Variants in SUMF1 observed in about 807,000 individuals in gnomAD.
SUMF1 encodes formylglycine-generating enzyme.
Under a neutral mutation model 47.6 loss-of-function variants are expected in SUMF1, and 48 were observed. The observed-to-expected ratio is 1.01, with a 90% confidence interval of 0.80 to 1.28. The LOEUF is 1.28. SUMF1 is among the 50% of genes most tolerant of loss of function. The pLI is 0.00. For synonymous variants in SUMF1, 230 were observed against 192.1 expected (o/e 1.20, Z -1.63); for missense variants, 571 against 485.4 (o/e 1.18, Z -1.66).
At chr3:4,301,472 C>A (rs144138656) in intron 8 of SUMF1, among the ~76,000 whole-genome samples, 1 of 152,250 alleles carries the variant, frequency 6.6e-6, no homozygotes, top group East Asian at 1.9e-4. Flanking sequence ...ATTGTAGCAG[C>A]GGCAGTAAGG....
intron 8 of SUMF1, chr3:4,303,513 C>G (rs1158157954): frequency 4.2e-6 from 6 of 1,435,666 alleles, no homozygotes; most frequent in Non-Finnish European, 4.5e-6. Flanking sequence ...GGGGCCGCGC[C>G]GGCGCCCTTC....
chr3:4,413,510 G>A (rs1040309247), intron 6 of SUMF1, among the ~76,000 whole-genome samples: 2 of 151,954 alleles, frequency 1.3e-5, no homozygotes, highest in Non-Finnish European at 2.9e-5. Context: ...TGCCACTAAG[G>A]AAAATAAAAA....
intron 8 of SUMF1, among the ~76,000 whole-genome samples, chr3:4,196,580 C>G (rs1695434511): frequency 1.3e-5 from 2 of 152,124 alleles, no homozygotes. Context: ...AGGCACTTCC[C>G]AGACATCTGC....
chr3:4,426,237 A>C (rs1379626809), intron 3 of SUMF1, among the ~76,000 whole-genome samples: 1 of 152,166 alleles, frequency 6.6e-6, no homozygotes, highest in Non-Finnish European at 1.5e-5. Context: ...GTCTGTCTGT[A>C]AGACAGATCA....
intron 8 of SUMF1, among the ~76,000 whole-genome samples, chr3:4,080,678 T>A (rs1300934338): frequency 6.6e-6 from 1 of 152,150 alleles, no homozygotes; most frequent in Non-Finnish European, 1.5e-5. Context: ...ATACGTTACC[T>A]TTATAGCAGG....
chr3:4,065,266 C>G (rs1205072128), intron 9 of SUMF1, among the ~76,000 whole-genome samples: 1 of 152,088 alleles, frequency 6.6e-6, no homozygotes, highest in Non-Finnish European at 1.5e-5. Context: ...AATTACCTCT[C>G]CATCTGCTCA....
intron 8 of SUMF1, among the ~76,000 whole-genome samples, chr3:4,164,739 T>C (rs961993652): frequency 2.0e-5 from 3 of 152,154 alleles, no homozygotes; most frequent in African/African-American, 7.2e-5. Flanking sequence ...GGTTTAATAA[T>C]GCCTCCAGAT....
At chr3:4,155,508 C>T (rs1389976493) in intron 8 of SUMF1, among the ~76,000 whole-genome samples, 1 of 151,402 alleles carries the variant, frequency 6.6e-6, no homozygotes, top group Admixed American at 6.6e-5. Flanking sequence ...TCCCTCCTGG[C>T]AGCAGTAAGT....
intron 3 of SUMF1, among the ~76,000 whole-genome samples, chr3:4,431,401 C>T (rs1404876951): frequency 1.3e-5 from 2 of 152,220 alleles, no homozygotes; most frequent in African/African-American, 2.4e-5. Flanking sequence ...TGCATACACA[C>T]AAACCAATCA....
At chr3:4,097,435 C>T (rs1225658949) in intron 8 of SUMF1, among the ~76,000 whole-genome samples, 5 of 151,960 alleles carry the variant, frequency 3.3e-5, no homozygotes, top group Non-Finnish European at 4.4e-5. Flanking sequence ...TGCCTGTAAT[C>T]CCAGCTACTT....
chr3:4,271,639 C>A (rs1386042744), intron 8 of SUMF1, among the ~76,000 whole-genome samples: 1 of 152,098 alleles, frequency 6.6e-6, no homozygotes, highest in African/African-American at 2.4e-5. Context: ...GTAGCTGGGA[C>A]TCCAGGAGCA....
At chr3:4,234,868 A>G (rs1249796501) in intron 8 of SUMF1, among the ~76,000 whole-genome samples, 1 of 152,186 alleles carries the variant, frequency 6.6e-6, no homozygotes, top group East Asian at 1.9e-4. Flanking sequence ...TCGTTTAGCA[A>G]GAAGTGGGCT....
rs561237086 is a variant in SUMF1 at position 4,151,820 on chromosome 3, A to G, written c.1015-83075T>C. On this transcript the variant is annotated intron_variant and NMD_transcript_variant, in intron 8 of 12. Coordinates refer to the SUMF1 transcript ENST00000448413. ...GCAGCCTGTGGGCCATGGGTTAGAC[A>G]AGCTTGATATAGAGAAAAGATGCAC... 2.6e-5 allele frequency among the ~76,000 whole-genome samples: 4 copies of G among 151,600 alleles called. No homozygotes were observed. In the South Asian group the frequency reaches 8.3e-4, roughly 31 times the overall value.
At chr3:4,305,292 C>T (rs924828408) in intron 8 of SUMF1, among the ~76,000 whole-genome samples, 1 of 151,936 alleles carries the variant, frequency 6.6e-6, no homozygotes, top group African/African-American at 2.4e-5. Flanking sequence ...TACCATGTTG[C>T]CCAGGCTGGT....
In SUMF1 at chr3:4,460,627, AGTGT is replaced by A. The variant is rs1171989853; in HGVS notation, c.270+6345_270+6348del. Among the ~76,000 whole-genome samples the A allele has an allele frequency of 2.8e-4, 40 of 141,524 alleles. No individual in the cohort carries two copies. The South Asian group carries it at 6.4e-3, about 22-fold the overall frequency. 92.8% of individuals were successfully genotyped at this position (141,524 alleles called of 152,430 possible). ...GTGTGTGTGTGTGTGTGTGTGTGAG[AGTGT>A]GTGTGTGTATATATATACATATATA... On this transcript the variant is annotated intron_variant, in intron 1 of 8. Coordinates refer to ENST00000272902, the MANE Select transcript of SUMF1 (RefSeq NM_182760.4).
chr3:4,330,958 C>G lies in SUMF1; in HGVS notation c.1014+45372G>C, dbSNP rs1319419893. Among the ~76,000 whole-genome samples, 3 of 152,126 alleles carry G rather than the reference C, an allele frequency of 2.0e-5. No individual in the cohort carries two copies. In the East Asian group the frequency reaches 5.8e-4, roughly 29 times the overall value. ...AATGCTCCTGTAAAACTCTGTTATT[C>G]CAATTCAAGGGCCCAGACTCTAATA... On this transcript the variant is annotated intron_variant and NMD_transcript_variant, in intron 8 of 12. Coordinates refer to the SUMF1 transcript ENST00000448413.
At chr3:4,243,074 T>C (rs1327313491) in intron 8 of SUMF1, among the ~76,000 whole-genome samples, 2 of 152,210 alleles carry the variant, frequency 1.3e-5, no homozygotes, top group African/African-American at 4.8e-5. Flanking sequence ...TATTCTCTGA[T>C]GGTAGTTTGT....
At chr3:4,157,698 T>G (rs1694486644) in intron 8 of SUMF1, among the ~76,000 whole-genome samples, 1 of 151,500 alleles carries the variant, frequency 6.6e-6, no homozygotes, top group South Asian at 2.1e-4. Context: ...TATACGCTTC[T>G]TTATTTATTC....
chr3:4,273,139 T>G (rs1370369851), intron 8 of SUMF1, among the ~76,000 whole-genome samples: 5 of 150,038 alleles, frequency 3.3e-5, no homozygotes, highest in Non-Finnish European at 5.9e-5. Context: ...TATATATATA[T>G]AGAATTTACC....
Sources: gnomAD v4.1 joint callset for allele counts (sites outside exome capture counted in the v4.1 genomes callset) on GRCh38, gnomAD v4.1.1 for gene constraint, MANE v1.5 for transcripts, NCBI Gene and HGNC (gene_info 2026-07-23, HGNC 2026-07-21) for gene names.